The following ARHGAP15 variants were observed in gnomAD, a reference collection of about 807,000 sequenced individuals.
ARHGAP15 encodes the protein Rho GTPase activating protein 15, also known as rho GTPase-activating protein 15.
In ARHGAP15, 51 loss-of-function variants were observed where a neutral mutation model predicts 63.7. The observed-to-expected ratio is 0.80, with a 90% confidence interval of 0.64 to 1.01. ARHGAP15 has a LOEUF of 1.01. Among genes scored for constraint, ARHGAP15 ranks in the 50% least tolerant of loss-of-function variants. The pLI is 0.00. For synonymous variants in ARHGAP15, 191 were observed against 193.8 expected (o/e 0.99, Z 0.12); for missense variants, 560 against 564.6 (o/e 0.99, Z 0.08).
chr2:143,710,396 CATAGT>C (rs1684530383), intron 13 of ARHGAP15, among the ~76,000 whole-genome samples: 1 of 152,122 alleles, frequency 6.6e-6, no homozygotes, highest in African/African-American at 2.4e-5. Flanking sequence ...CCCAACTCCC[CATAGT>C]AATCATTAAA....
At chr2:143,234,823 G>A (rs1319164655) in intron 5 of ARHGAP15, among the ~76,000 whole-genome samples, 1 of 152,090 alleles carries the variant, frequency 6.6e-6, no homozygotes, top group African/African-American at 2.4e-5. Context: ...ATGCAGTTGT[G>A]TTACTTTGAT....
chr2:143,435,365 C>A (rs192693828), intron 6 of ARHGAP15: 1 of 1,124,066 alleles, frequency 8.9e-7, no homozygotes, highest in Admixed American at 4.9e-5. Context: ...TCTAGCCCTA[C>A]TCTGACTTAA....
chr2:143,588,581 T>C (rs865946911), intron 11 of ARHGAP15, among the ~76,000 whole-genome samples: 2 of 152,068 alleles, frequency 1.3e-5, no homozygotes, highest in Middle Eastern at 3.2e-3. Flanking sequence ...GAACATGCAG[T>C]GTTTGGTTTT....
At chr2:143,582,335 G>T (rs977693612) in intron 11 of ARHGAP15, among the ~76,000 whole-genome samples, 2 of 152,128 alleles carry the variant, frequency 1.3e-5, no homozygotes, top group African/African-American at 2.4e-5. Context: ...GGTAATTCCT[G>T]TTTCTGTGAC....
chr2:143,536,329 A>G (rs193048334), intron 10 of ARHGAP15, among the ~76,000 whole-genome samples: 2 of 152,018 alleles, frequency 1.3e-5, no homozygotes, highest in East Asian at 1.9e-4. Context: ...GGTTTATTTC[A>G]CTTAGCATAA....
intron 11 of ARHGAP15, among the ~76,000 whole-genome samples, chr2:143,570,823 CT>C (rs34825591): frequency 1.3e-5 from 2 of 151,878 alleles, no homozygotes; most frequent in Non-Finnish European, 2.9e-5. Context: ...CAGGTCAATC[CT>C]TTTTTTTAAC....
At chr2:143,371,284 G>A (rs1686538659) in intron 6 of ARHGAP15, among the ~76,000 whole-genome samples, 1 of 152,152 alleles carries the variant, frequency 6.6e-6, no homozygotes, top group Non-Finnish European at 1.5e-5. Flanking sequence ...AGCCCTGCAT[G>A]CATTAGGTAG....
intron 6 of ARHGAP15, among the ~76,000 whole-genome samples, chr2:143,294,995 T>C (rs1682575703): frequency 6.6e-6 from 1 of 152,070 alleles, no homozygotes; most frequent in Admixed American, 6.6e-5. Context: ...ATATGTTAGT[T>C]TGGTTAATAC....
chr2:143,553,053 T>C (rs1219533065), intron 10 of ARHGAP15, among the ~76,000 whole-genome samples: 1 of 152,198 alleles, frequency 6.6e-6, no homozygotes, highest in African/African-American at 2.4e-5. Flanking sequence ...GGCATAACTT[T>C]CAAAGTTCTT....
intron 5 of ARHGAP15, 46 bp downstream of exon 5, chr2:143,228,714 T>G: frequency 1.1e-5 from 15 of 1,390,800 alleles, no homozygotes; most frequent in Non-Finnish European, 1.5e-5. Context: ...TTCAGAAATA[T>G]TGTAGAATTA....
At chr2:143,624,381 A>G (rs1698759954) in intron 12 of ARHGAP15, 114 bp downstream of exon 12, 1 of 1,198,770 alleles carries the variant, frequency 8.3e-7, no homozygotes, top group African/African-American at 1.5e-5. Flanking sequence ...AGTATCCCCG[A>G]TGCTCCATAT....
At chr2:143,462,954 G>T (rs1426421643) in intron 8 of ARHGAP15, among the ~76,000 whole-genome samples, 1 of 152,170 alleles carries the variant, frequency 6.6e-6, no homozygotes. Context: ...CTGAGCTTAG[G>T]GAATATCTAA....
intron 13 of ARHGAP15, among the ~76,000 whole-genome samples, chr2:143,759,337 C>G (rs1453273352): frequency 6.6e-6 from 1 of 152,046 alleles, no homozygotes; most frequent in Non-Finnish European, 1.5e-5. Context: ...AATTCATTCT[C>G]TTCCATATAA....
rs374975945 is a variant in ARHGAP15, at chr2:143,551,044, G to A, written c.926-5364G>A. Among the ~76,000 whole-genome samples, 24 of 152,258 alleles carry A rather than the reference G, an allele frequency of 1.6e-4. 1 individual carries two copies. Among genetic ancestry groups the A allele is most frequent in the African/African-American group, 3.6e-4 (15 of 41,554 alleles). The stretch of plus-strand genomic sequence containing the variant: ...TGTACAGATAAGTGGTAGGAACTAC[G>A]AATGCACTAAGCTCTTTATCTTTTC... On this transcript the variant is annotated intron_variant, in intron 10 of 13. Coordinates refer to ENST00000295095, the MANE Select transcript of ARHGAP15 (RefSeq NM_018460.4).
At chr2:143,184,139 T>G (rs1691346375) in intron 2 of ARHGAP15, among the ~76,000 whole-genome samples, 2 of 152,180 alleles carry the variant, frequency 1.3e-5, no homozygotes, top group South Asian at 4.1e-4. Context: ...TTGCAAAGAA[T>G]AGCATTCGAC....
At chr2:143,420,124 G>A (rs1259795465) in intron 6 of ARHGAP15, among the ~76,000 whole-genome samples, 1 of 152,106 alleles carries the variant, frequency 6.6e-6, no homozygotes, top group Admixed American at 6.6e-5. Context: ...CTCACTTACG[G>A]ACAATGTGGG....
chr2:143,717,710 G>A (rs542929547), intron 13 of ARHGAP15, among the ~76,000 whole-genome samples: 4 of 152,226 alleles, frequency 2.6e-5, no homozygotes, highest in East Asian at 1.9e-4. Flanking sequence ...TAGTTAAATC[G>A]TATTGGCTCC....
Position 143,491,219 on chromosome 2 carries a change from G to A in ARHGAP15, c.826+3724G>A, listed in dbSNP as rs138006115. On this transcript the variant is annotated intron_variant, in intron 9 of 13. Transcript: ENST00000295095. ...TTTAACATATAAATTATAGGCAAAA[G>A]CGTCCATTTTTGGGTGGTAGGAGTG... 6.6e-5 allele frequency among the ~76,000 whole-genome samples: 10 copies of A among 152,314 alleles called. No homozygotes were observed. The East Asian group carries it at 7.7e-4, about 12-fold the overall frequency.
intron 11 of ARHGAP15, among the ~76,000 whole-genome samples, chr2:143,598,580 G>C (rs1450351147): frequency 1.3e-5 from 2 of 152,060 alleles, no homozygotes; most frequent in Admixed American, 1.3e-4. Flanking sequence ...CCTTTACTAT[G>C]CCTGGCCTGA....
Sources: gnomAD v4.1 joint callset for allele counts (sites outside exome capture counted in the v4.1 genomes callset) on GRCh38, gnomAD v4.1.1 for gene constraint, MANE v1.5 for transcripts, NCBI Gene and HGNC (gene_info 2026-07-23, HGNC 2026-07-21) for gene names.